Variants in TOX observed in about 807,000 individuals in gnomAD.
TOX encodes thymocyte selection-associated high mobility group box protein TOX.
TOX carries 11 observed loss-of-function variants against 53.7 expected under a neutral mutation model. The ratio of observed to expected loss-of-function variants is 0.20; its 90% CI spans 0.13 to 0.34. The LOEUF is 0.34. TOX is among the 10% of genes least tolerant of loss of function. TOX has a pLI of 1.00. For synonymous variants in TOX, 225 were observed against 245.3 expected (o/e 0.92, Z 0.77); for missense variants, 570 against 664.6 (o/e 0.86, Z 1.56).
chr8:58,952,435 T>G (rs886278201), intron 2 of TOX, among the ~76,000 whole-genome samples: 2 of 152,224 alleles, frequency 1.3e-5, no homozygotes, highest in African/African-American at 4.8e-5. Context: ...ATTGCAAAAT[T>G]TAACAGGAAG....
Position 58,873,958 on chromosome 8 carries a change from C to CTTTTTTTTTTTTT in TOX, c.412-22166_412-22154dup, listed in dbSNP as rs1173710545. Reference sequence around the variant, plus strand: ...AATACACATCCTGAATGCCAGGAAGCTTTTTTTTTTTTTTTTTTTTTTTTT... The same window carrying CTTTTTTTTTTTTT: ...AATACACATCCTGAATGCCAGGAAGCTTTTTTTTTTTTTTTTTTTTTTTTTTTTTTTTTTTTTT... On this transcript the variant is annotated intron_variant, in intron 3 of 8. Transcript: ENST00000361421. Among the ~76,000 whole-genome samples, 374 of 40,136 alleles carry CTTTTTTTTTTTTT rather than the reference C, an allele frequency of 9.3e-3. 134 individuals are homozygous for CTTTTTTTTTTTTT. The highest frequency in any genetic ancestry group is 0.045 in the African/African-American group (261 of 5,792). 26.3% of individuals were successfully genotyped at this position (40,136 alleles called of 152,430 possible).
intron 1 of TOX, among the ~76,000 whole-genome samples, chr8:59,047,365 C>T (rs1265254115): frequency 6.6e-6 from 1 of 150,846 alleles, no homozygotes; most frequent in Non-Finnish European, 1.5e-5. Flanking sequence ...TACAGGCGCC[C>T]GCCACCACGC....
At chr8:58,869,935 T>C (rs1811170294) in intron 3 of TOX, among the ~76,000 whole-genome samples, 1 of 151,996 alleles carries the variant, frequency 6.6e-6, no homozygotes, top group South Asian at 2.1e-4. Context: ...TCAACTTGAT[T>C]TTTAAAAATC....
intron 3 of TOX, among the ~76,000 whole-genome samples, chr8:58,937,498 G>T (rs1267857519): frequency 6.6e-6 from 1 of 152,192 alleles, no homozygotes; most frequent in African/African-American, 2.4e-5. Context: ...GCCATTTGAG[G>T]ATGGCATGAC....
At chr8:59,019,051 A>G (rs1563420028) in intron 1 of TOX, among the ~76,000 whole-genome samples, 2 of 152,040 alleles carry the variant, frequency 1.3e-5, no homozygotes, top group Non-Finnish European at 2.9e-5. Context: ...AAGATTTTGT[A>G]TTGTTTGATA....
chr8:59,103,714 A>C (rs1229953166), intron 1 of TOX, among the ~76,000 whole-genome samples: 1 of 152,186 alleles, frequency 6.6e-6, no homozygotes, highest in Non-Finnish European at 1.5e-5. Context: ...ACCTTCAAAA[A>C]CGCCAACAGA....
chr8:58,976,317 C>T (rs1813099159), intron 1 of TOX, among the ~76,000 whole-genome samples: 1 of 152,204 alleles, frequency 6.6e-6, no homozygotes, highest in African/African-American at 2.4e-5. Context: ...AGAAACCACT[C>T]TCTTTGCTTA....
intron 2 of TOX, among the ~76,000 whole-genome samples, chr8:58,944,077 C>A (rs16918754): frequency 0.18 from 28,000 of 152,190 alleles, 2,965 homozygotes; most frequent in East Asian, 0.28. Flanking sequence ...ACTTAACCAG[C>A]TTCTCCCTGA....
intron 3 of TOX, among the ~76,000 whole-genome samples, chr8:58,854,151 C>T (rs781366930): frequency 6.6e-6 from 1 of 152,138 alleles, no homozygotes; most frequent in Admixed American, 6.5e-5. Context: ...CATTTAGTAG[C>T]AAAATCATAC....
intron 1 of TOX, among the ~76,000 whole-genome samples, chr8:59,080,510 G>T (rs1804387836): frequency 6.6e-6 from 1 of 152,170 alleles, no homozygotes; most frequent in Admixed American, 6.5e-5. Flanking sequence ...ATTTTGCAAT[G>T]CAAGAAGGAC....
chr8:59,106,495 G>A (rs922359090), intron 1 of TOX, among the ~76,000 whole-genome samples: 6 of 152,138 alleles, frequency 3.9e-5, no homozygotes, highest in Non-Finnish European at 2.9e-5. Context: ...CAAACTCCAA[G>A]GCTCAGGGAA....
chr8:58,837,685 A>G (rs891226349), intron 5 of TOX, among the ~76,000 whole-genome samples: 1 of 152,222 alleles, frequency 6.6e-6, no homozygotes, highest in Non-Finnish European at 1.5e-5. Context: ...TTTAGCAAAG[A>G]GCAAAGAGGG....
intron 5 of TOX, 68 bp downstream of exon 5, chr8:58,838,013 G>A (rs1336507017): frequency 1.4e-6 from 2 of 1,457,316 alleles, no homozygotes; most frequent in Non-Finnish European, 1.9e-6. Flanking sequence ...CCAAGCCCTG[G>A]GAGGCCATTT....
chr8:58,946,893 G>T (rs1167057182), intron 2 of TOX, among the ~76,000 whole-genome samples: 1 of 151,992 alleles, frequency 6.6e-6, no homozygotes, highest in African/African-American at 2.4e-5. Context: ...AAAGAATCAG[G>T]CTTATTTATA....
At chr8:59,011,613 A>T (rs1214702393) in intron 1 of TOX, among the ~76,000 whole-genome samples, 1 of 152,166 alleles carries the variant, frequency 6.6e-6, no homozygotes, top group Non-Finnish European at 1.5e-5. Context: ...CAGGGTAAGT[A>T]ACCTCTACCA....
chr8:58,857,796 C>T (rs1004314985), intron 3 of TOX, among the ~76,000 whole-genome samples: 3 of 151,830 alleles, frequency 2.0e-5, no homozygotes, highest in Admixed American at 6.6e-5. Flanking sequence ...TTGAGATGGA[C>T]TCTTACTCTG....
intron 3 of TOX, among the ~76,000 whole-genome samples, chr8:58,928,796 AAG>A (rs1421452939): frequency 6.6e-6 from 1 of 152,208 alleles, no homozygotes; most frequent in Admixed American, 6.5e-5. Flanking sequence ...TAGCATTTGC[AAG>A]TTTCATACGG....
chr8:58,963,314 TATAGATAG>T (rs1554533755), intron 1 of TOX, among the ~76,000 whole-genome samples: 5 of 130,744 alleles, frequency 3.8e-5, no homozygotes, highest in South Asian at 2.5e-4. Flanking sequence ...TAGATATATA[TATAGATAG>T]ATAGATAGAT....
rs1814346584 is a variant in TOX at position 59,031,024 on chromosome 8, G to A, written c.103-71016C>T. 3.9e-5 allele frequency among the ~76,000 whole-genome samples: 6 copies of A among 152,274 alleles called. No homozygotes were observed. In the South Asian group the frequency reaches 1.2e-3, roughly 32 times the overall value. Reference sequence around the variant, plus strand: ...AACTAAGATGTATTTGCCATATGCAGAGAAAAAATTATTGGGGGTACAAAG... The same window carrying A: ...AACTAAGATGTATTTGCCATATGCAAAGAAAAAATTATTGGGGGTACAAAG... On this transcript the variant is annotated intron_variant, in intron 1 of 8. Coordinates refer to ENST00000361421, the MANE Select transcript of TOX (RefSeq NM_014729.3).
Sources: allele counts gnomAD v4.1 joint callset (sites outside exome capture counted in the v4.1 genomes callset), GRCh38; gene constraint gnomAD v4.1.1; transcripts MANE v1.5; gene names NCBI Gene and HGNC (gene_info 2026-07-23, HGNC 2026-07-21).